Variants in DCAF1 observed in about 807,000 individuals in gnomAD.
The protein encoded by DCAF1 is DDB1- and CUL4-associated factor 1.
A neutral mutation model predicts 128.0 loss-of-function variants in DCAF1; 15 were observed. The ratio of observed to expected loss-of-function variants is 0.12; its 90% confidence interval spans 0.08 to 0.18. The LOEUF is 0.18. DCAF1 is among the 10% of genes least tolerant of loss of function. DCAF1 has a pLI of 1.00. For missense variants in DCAF1, 988 were observed against 1,649.5 expected, an observed-to-expected ratio of 0.60 and a Z score of 6.95; for synonymous variants, 610 against 603.0, an observed-to-expected ratio of 1.01 and a Z score of -0.17.
At chr3:51,504,868 C>A (rs1708903872), upstream of DCAF1, among the ~76,000 whole-genome samples, 4 of 152,068 alleles carry the variant, frequency 2.6e-5, no homozygotes, top group Admixed American at 2.6e-4. Flanking sequence ...AATTCCAGCA[C>A]TTAGGGAGGC....
intron 5 of DCAF1, among the ~76,000 whole-genome samples, chr3:51,463,910 A>C (rs886113409): frequency 6.6e-6 from 1 of 152,048 alleles, no homozygotes. Context: ...GCTGGAGTGC[A>C]GTGGCACAAG....
At chr3:51,491,678 C>T (rs1182708454) in intron 2 of DCAF1, among the ~76,000 whole-genome samples, 1 of 152,104 alleles carries the variant, frequency 6.6e-6, no homozygotes, top group African/African-American at 2.4e-5. Context: ...GAAACCCCAT[C>T]TCTACTAAAA....
chr3:51,479,911 G>A (rs1705955410), intron 3 of DCAF1, among the ~76,000 whole-genome samples: 1 of 152,056 alleles, frequency 6.6e-6, no homozygotes, highest in African/African-American at 2.4e-5. Context: ...CCAGTATGGT[G>A]GTTCACACCT....
At chr3:51,466,681 C>G in intron 5 of DCAF1, 122 bp downstream of exon 5, 2 of 918,004 alleles carry the variant, frequency 2.2e-6, no homozygotes, top group Non-Finnish European at 3.3e-6. Context: ...AGGACTTTGG[C>G]AAAAAACTCT....
chr3:51,441,125 T>C, intron 8 of DCAF1, 54 bp from the exon 9 acceptor site: 1 of 1,474,260 alleles, frequency 6.8e-7, no homozygotes, highest in South Asian at 1.2e-5. Context: ...GTCATGTATT[T>C]CCTATTCCAC....
intron 6 of DCAF1, among the ~76,000 whole-genome samples, chr3:51,449,976 T>C (rs1553641134): frequency 6.6e-6 from 1 of 152,062 alleles, no homozygotes; most frequent in Admixed American, 6.6e-5. Context: ...GGAAATTGAA[T>C]CAATAATCAA....
chr3:51,396,257 C>CT (rs199961690), downstream of DCAF1: 5,709 of 241,680 alleles, frequency 0.024, 106 homozygotes, highest in Middle Eastern at 0.037. Flanking sequence ...ACACTTCAAC[C>CT]TTTGCCTTAT....
At chr3:51,401,510 G>GT (rs2089700990) in intron 24 of DCAF1, among the ~76,000 whole-genome samples, 3 of 152,156 alleles carry the variant, frequency 2.0e-5, no homozygotes, top group South Asian at 4.1e-4. Context: ...TCCTCAAGTT[G>GT]TGATCCATTA....
chr3:51,457,909 G>C (rs1703099057), intron 6 of DCAF1, among the ~76,000 whole-genome samples: 1 of 152,146 alleles, frequency 6.6e-6, no homozygotes, highest in African/African-American at 2.4e-5. Flanking sequence ...AGCTCCTGAA[G>C]GAAGCACTAA....
upstream of DCAF1, among the ~76,000 whole-genome samples, chr3:51,502,041 C>A (rs999767858): frequency 6.6e-6 from 1 of 152,166 alleles, no homozygotes; most frequent in African/African-American, 2.4e-5. Flanking sequence ...TGCCATGCCT[C>A]CCTGGGCCAT....
intron 10 of DCAF1, 100 bp from the exon 11 acceptor site, chr3:51,430,312 A>G (rs1470903291): frequency 1.6e-6 from 1 of 617,756 alleles, no homozygotes; most frequent in Non-Finnish European, 3.0e-6. Flanking sequence ...GCAGAATACA[A>G]TGACCATCTC....
intron 13 of DCAF1, among the ~76,000 whole-genome samples, chr3:51,424,716 A>G (rs1028905055): frequency 1.3e-5 from 2 of 152,252 alleles, no homozygotes; most frequent in Non-Finnish European, 2.9e-5. Context: ...TCTCAAGAAT[A>G]TAAGGGTAAA....
intron 1 of DCAF1, among the ~76,000 whole-genome samples, chr3:51,499,371 G>A (rs1473650860): frequency 6.6e-6 from 1 of 152,170 alleles, no homozygotes; most frequent in Admixed American, 6.5e-5. Context: ...AGAGGCAGGC[G>A]GGTGCAGGGA....
rs1553629736 is a variant in DCAF1 at position 51,414,816 on chromosome 3, A to T, written c.3645T>A (p.Phe1215Leu). ...IQTGNKLLTL[F>L]NPDLANNYKR... ...TGTAGTTGTTGGCAAGATCTGGGTT[A>T]AACAGAGTCAACAGCTTGTTGCCAG... Residue 1215 changes from phenylalanine (F) to leucine (L), a missense_variant, in exon 19 of 25, where the codon TTT (phenylalanine) becomes TTA (leucine). By Grantham distance (22) the Phe-to-Leu change is conservative (BLOSUM62 0). Transcript: ENST00000684031. 6.2e-7 allele frequency: 1 copy of T among 1,614,064 alleles called. No homozygotes were observed. Among genetic ancestry groups the T allele is most frequent in the Admixed American group, 1.7e-5 (1 of 60,022 alleles).
At chr3:51,489,842 GA>G (rs1707423914) in intron 2 of DCAF1, among the ~76,000 whole-genome samples, 2 of 147,910 alleles carry the variant, frequency 1.4e-5, no homozygotes, top group Non-Finnish European at 3.0e-5. Flanking sequence ...TATATAGATA[GA>G]TAGATAGATA....
At position 51,427,557 on chromosome 3, in the gene DCAF1, T is replaced by C. The variant is rs922280400; in HGVS notation, c.1678-16A>G. ...ATGAGCATGCCTATAAGGAGAGATA[T>C]ATAGTATTATTATTATATATAACTC... On this transcript the variant is annotated splice_polypyrimidine_tract_variant and intron_variant, in intron 12 of 24. Coordinates refer to ENST00000684031, the MANE Select transcript of DCAF1 (RefSeq NM_001387579.1). 2.6e-5 allele frequency: 17 copies of C among 646,484 alleles called. No individual in the cohort carries two copies. Among genetic ancestry groups the C allele is most frequent in the Non-Finnish European group, 4.8e-5 (17 of 353,586 alleles). 40.0% of individuals were successfully genotyped at this position (646,484 alleles called of 1,614,324 possible).
intron 24 of DCAF1, among the ~76,000 whole-genome samples, chr3:51,402,178 G>A (rs1448305998): frequency 6.6e-6 from 1 of 152,156 alleles, no homozygotes; most frequent in African/African-American, 2.4e-5. Context: ...GTAAATAAAA[G>A]GAAGTGAATA....
chr3:51,460,996 C>T lies in DCAF1; in HGVS notation c.375+2118G>A, dbSNP rs1284677378. Among the ~76,000 whole-genome samples, 147 of 152,228 alleles carry T rather than the reference C, an allele frequency of 9.7e-4. 2 individuals carry two copies. Among genetic ancestry groups the T allele is most frequent in the African/African-American group, 3.3e-3 (137 of 41,524 alleles). The stretch of plus-strand genomic sequence containing the variant: ...TAGGCAATACCATTCAGGACACAGG[C>T]ATGGGCAAGGACTTCATGTCTAAAA... On this transcript the variant is annotated intron_variant, in intron 6 of 24. Transcript: ENST00000684031.
chr3:51,475,654 G>A (rs1243072626), intron 3 of DCAF1, among the ~76,000 whole-genome samples: 1 of 152,220 alleles, frequency 6.6e-6, no homozygotes, highest in East Asian at 1.9e-4. Context: ...GAGGTCAGGA[G>A]ATCAAGACCA....
Sources: allele counts gnomAD v4.1 joint callset (sites outside exome capture counted in the v4.1 genomes callset), GRCh38; gene constraint gnomAD v4.1.1; transcripts MANE v1.5; gene names NCBI Gene and HGNC (gene_info 2026-07-23, HGNC 2026-07-21).